STAT3: variants seen among roughly 807,000 people sequenced by gnomAD.
STAT3 encodes DNA-binding protein APRF.
A neutral mutation model predicts 114.3 loss-of-function variants in STAT3; 7 were observed. That is an observed-to-expected ratio of 0.06 (90% CI 0.03 to 0.11). STAT3 has a LOEUF of 0.11. STAT3 is among the 10% of genes least tolerant of loss of function. The pLI is 1.00. For synonymous variants in STAT3, 331 were observed against 354.5 expected (o/e 0.93, Z 0.74); for missense variants, 364 against 960.9 (o/e 0.38, Z 8.21).
chr17:42,380,732 T>A (rs1040646172), intron 1 of STAT3, among the ~76,000 whole-genome samples: 3 of 152,074 alleles, frequency 2.0e-5, no homozygotes, highest in Non-Finnish European at 4.4e-5. Context: ...CTAGGCAACG[T>A]GACGAGATCC....
At chr17:42,376,690 C>CA (rs1434714527) in intron 1 of STAT3, among the ~76,000 whole-genome samples, 2 of 150,008 alleles carry the variant, frequency 1.3e-5, no homozygotes, top group East Asian at 2.0e-4. Flanking sequence ...ACTAAAAATA[C>CA]AAAAAATTAG....
chr17:42,368,067 A>G (rs1393051324), intron 1 of STAT3, among the ~76,000 whole-genome samples: 1 of 152,182 alleles, frequency 6.6e-6, no homozygotes, highest in Non-Finnish European at 1.5e-5. Context: ...AGCCAGGAGC[A>G]GTAGTGGACG....
At chr17:42,325,181 G>T in intron 15 of STAT3, 120 bp from the exon 16 acceptor site, 1 of 909,928 alleles carries the variant, frequency 1.1e-6, no homozygotes, top group Non-Finnish European at 1.7e-6. Context: ...CACACCTGCT[G>T]CCAACTCTAG....
chr17:42,351,411 A>T (rs2082950555), intron 1 of STAT3, among the ~76,000 whole-genome samples: 1 of 151,808 alleles, frequency 6.6e-6, no homozygotes, highest in Non-Finnish European at 1.5e-5. Context: ...CTGGCTGATT[A>T]TTTTTGTAGA....
chr17:42,330,763 T>C (rs956295586), intron 11 of STAT3, among the ~76,000 whole-genome samples: 1 of 152,188 alleles, frequency 6.6e-6, no homozygotes, highest in South Asian at 2.1e-4. Flanking sequence ...TCAAAGGGTA[T>C]ATGTATTTTA....
intron 1 of STAT3, among the ~76,000 whole-genome samples, chr17:42,349,670 G>A (rs2082851020): frequency 6.6e-6 from 1 of 152,214 alleles, no homozygotes; most frequent in Non-Finnish European, 1.5e-5. Flanking sequence ...AAATGCTCTG[G>A]TATGAGAAAC....
Position 42,322,924 on chromosome 17 carries a change from G to A in STAT3, c.1888+80C>T, listed in dbSNP as rs558567848. 5.0e-6 allele frequency: 8 copies of A among 1,600,054 alleles called. No homozygotes were observed. The East Asian group carries it at 1.8e-4, about 36-fold the overall frequency. ...CAAGGCCATCTCCACCCACCAGGGGGCAGTAGGTGCTTGCAACTAGAAGCA... is the reference window on the plus strand; with the variant it reads ...CAAGGCCATCTCCACCCACCAGGGGACAGTAGGTGCTTGCAACTAGAAGCA... On this transcript the variant is annotated intron_variant, in intron 20 of 23. Coordinates refer to ENST00000264657, the MANE Select transcript of STAT3 (RefSeq NM_139276.3).
At chr17:42,329,143 G>A (rs180679063) in intron 14 of STAT3, among the ~76,000 whole-genome samples, 1 of 152,266 alleles carries the variant, frequency 6.6e-6, no homozygotes, top group Non-Finnish European at 1.5e-5. Context: ...ATACCACATG[G>A]GTGTGGAGAA....
At chr17:42,349,565 A>G (rs1295450213) in intron 1 of STAT3, among the ~76,000 whole-genome samples, 1 of 152,244 alleles carries the variant, frequency 6.6e-6, no homozygotes, top group Non-Finnish European at 1.5e-5. Context: ...TCAACAAATA[A>G]TAACTATTTT....
In STAT3 at chr17:42,333,336, C is replaced by A. The variant is rs902831130; in HGVS notation, c.1049+337G>T. ...AGCTTCCCCATCACTAAGCCTTACT[C>A]TTTCCCTTAAAATCCACAGGGAAGA... On this transcript the variant is annotated intron_variant, in intron 10 of 23. Transcript: ENST00000264657. The surrounding 1 kb of genome is among the most constrained non-coding windows in gnomAD (Gnocchi z 5.2). Among the ~76,000 whole-genome samples, 4 of 152,120 alleles carry A rather than the reference C, an allele frequency of 2.6e-5. No homozygotes were observed. Among genetic ancestry groups the A allele is most frequent in the African/African-American group, 4.8e-5 (2 of 41,424 alleles).
At chr17:42,368,974 C>T (rs1280474812) in intron 1 of STAT3, among the ~76,000 whole-genome samples, 1 of 152,034 alleles carries the variant, frequency 6.6e-6, no homozygotes, top group Non-Finnish European at 1.5e-5. Flanking sequence ...CATTTAGCTC[C>T]CACTTATAAG....
At chr17:42,365,100 G>T (rs1164962152) in intron 1 of STAT3, among the ~76,000 whole-genome samples, 2 of 152,108 alleles carry the variant, frequency 1.3e-5, no homozygotes, top group Admixed American at 6.6e-5. Context: ...GAGAGGAGGG[G>T]GTCTTTGTTC....
At chr17:42,332,938 T>C (rs902730746) in intron 10 of STAT3, among the ~76,000 whole-genome samples, 3 of 151,796 alleles carry the variant, frequency 2.0e-5, no homozygotes, top group Non-Finnish European at 4.4e-5. Context: ...GAGATGGAGG[T>C]TGCAGTGAGC....
In STAT3 at chr17:42,314,385, AG is replaced by A. The variant is rs915740202; in HGVS notation, c.*1359del. On this transcript the variant is annotated 3_prime_UTR_variant, in exon 24 of 24. Transcript: ENST00000264657. ...AACTCTCTCCCCCTCTTCTTCCATG[AG>A]GTCCTGAGACCAGGATTCCTAAAAC... 4 of 216,520 alleles carry A rather than the reference AG, an allele frequency of 1.8e-5. No homozygotes were observed. Among genetic ancestry groups the A allele is most frequent in the Non-Finnish European group, 1.8e-5 (2 of 108,272 alleles). 13.4% of individuals were successfully genotyped at this position (216,520 alleles called of 1,614,324 possible). A position where few individuals can be genotyped will look rare whatever the true frequency, so the allele number is the denominator to read the frequency against.
At chr17:42,386,210 G>A (rs2085094931) in intron 1 of STAT3, among the ~76,000 whole-genome samples, 1 of 151,742 alleles carries the variant, frequency 6.6e-6, no homozygotes, top group African/African-American at 2.4e-5. Context: ...GAACCCAGGA[G>A]GCAGAGGTTG....
In STAT3 at chr17:42,317,311, C is replaced by G. The variant is rs148544306; in HGVS notation, c.2102-87G>C. 3.7e-5 allele frequency: 55 copies of G among 1,482,874 alleles called. No individual in the cohort carries two copies. The East Asian group carries it at 1.2e-3, about 34-fold the overall frequency. The allele number at this position is 1,482,874 out of a possible 1,614,324, so 91.9% of individuals were successfully genotyped here. The stretch of plus-strand genomic sequence containing the variant: ...GAGGAAGCCATCTGCCTCGGCAGGA[C>G]TGATTTGAAACTCACTCATCCTCAT... On this transcript the variant is annotated intron_variant, in intron 21 of 23. Transcript: ENST00000264657.
intron 1 of STAT3, among the ~76,000 whole-genome samples, chr17:42,353,871 G>C (rs2083094038): frequency 6.6e-6 from 1 of 152,122 alleles, no homozygotes; most frequent in Admixed American, 6.6e-5. Flanking sequence ...ATCATGCCCA[G>C]CCAAAAATAG....
At chr17:42,329,079 G>A (rs542601418) in intron 14 of STAT3, among the ~76,000 whole-genome samples, 3 of 152,282 alleles carry the variant, frequency 2.0e-5, no homozygotes, top group Non-Finnish European at 4.4e-5. Flanking sequence ...AGGGTCAGCC[G>A]CAGGAGCTGG....
intron 1 of STAT3, among the ~76,000 whole-genome samples, chr17:42,385,952 T>C (rs772252876): frequency 4.6e-5 from 7 of 152,154 alleles, no homozygotes; most frequent in African/African-American, 7.2e-5. Flanking sequence ...TTTCAGCCTA[T>C]TGGTGGTATT....
Sources: gnomAD v4.1 joint callset for allele counts (sites outside exome capture counted in the v4.1 genomes callset) on GRCh38, gnomAD v4.1.1 for gene constraint, Gnocchi (gnomAD v3.1) non-coding constraint, MANE v1.5 for transcripts, NCBI Gene and HGNC (gene_info 2026-07-23, HGNC 2026-07-21) for gene names.